Variants in NR4A1 observed in about 807,000 individuals in gnomAD.
The protein encoded by NR4A1 is nuclear receptor subfamily 4 group A member 1.
NR4A1 carries 24 observed loss-of-function variants against 47.5 expected under a neutral mutation model. That is an observed-to-expected ratio of 0.50 (90% CI 0.37 to 0.71). The LOEUF (loss-of-function observed/expected upper bound fraction) is 0.71, where lower values mean the gene tolerates loss of function less well. NR4A1 is among the 30% of genes least tolerant of loss of function. The pLI, the probability that NR4A1 is intolerant of heterozygous loss-of-function variation, is 0.00. For missense variants in NR4A1, 669 were observed against 788.6 expected, an observed-to-expected ratio of 0.85 and a Z score of 1.82; for synonymous variants, 353 against 345.7, an observed-to-expected ratio of 1.02 and a Z score of -0.24.
At chr12:52,056,795 C>T in intron 4 of NR4A1, 150 bp downstream of exon 4, 2 of 963,618 alleles carry the variant, frequency 2.1e-6, no homozygotes, top group South Asian at 3.6e-5. Context: ...TCCAGTTCGA[C>T]AGATCAAAGA....
intron 1 of NR4A1, among the ~76,000 whole-genome samples, chr12:52,027,300 G>A (rs953129251): frequency 6.6e-6 from 1 of 152,256 alleles, no homozygotes; most frequent in Admixed American, 6.5e-5. Flanking sequence ...CTGTGCTCCT[G>A]AAGTGACCTG....
chr12:52,043,516 G>A (rs1261800918), intron 2 of NR4A1: 1 of 341,280 alleles, frequency 2.9e-6, no homozygotes, highest in South Asian at 2.8e-5. Flanking sequence ...GTCTTGTGAC[G>A]TGGGCACCTG....
intron 2 of NR4A1, chr12:52,043,559 G>A (rs549815724): frequency 4.1e-5 from 21 of 515,094 alleles, no homozygotes; most frequent in Middle Eastern, 7.9e-4. Flanking sequence ...CCAGGGTCAC[G>A]CTCATGCTGG....
intron 1 of NR4A1, among the ~76,000 whole-genome samples, chr12:52,028,012 G>A (rs1268679136): frequency 6.6e-6 from 1 of 151,868 alleles, no homozygotes; most frequent in Non-Finnish European, 1.5e-5. Flanking sequence ...GACCAGCCTG[G>A]GCAACATGAT....
intron 2 of NR4A1, 192 bp from the exon 3 acceptor site, chr12:52,055,838 C>A (rs1939232071): frequency 6.2e-6 from 3 of 480,754 alleles, no homozygotes; most frequent in Non-Finnish European, 1.1e-5. Context: ...CCCCCAATGT[C>A]TTCAAGACTT....
intron 2 of NR4A1, 23 bp downstream of exon 2, chr12:52,055,227 G>T: frequency 6.2e-7 from 1 of 1,607,800 alleles, no homozygotes. Context: ...CCCAGGTGGG[G>T]CCTTTTGTTG....
At chr12:52,056,275 C>T (rs1939268543) in intron 3 of NR4A1, 116 bp downstream of exon 3, 5 of 1,445,732 alleles carry the variant, frequency 3.5e-6, no homozygotes, top group South Asian at 1.4e-5. Flanking sequence ...CTTATTTCCA[C>T]CCCACCTCTG....
At chr12:52,029,716 C>T (rs1263710028) in intron 1 of NR4A1, among the ~76,000 whole-genome samples, 1 of 107,954 alleles carries the variant, frequency 9.3e-6, no homozygotes, top group African/African-American at 3.6e-5. Flanking sequence ...ACACACAAGA[C>T]AGAACACCAG....
intron 1 of NR4A1, among the ~76,000 whole-genome samples, chr12:52,034,123 G>A (rs1053127453): frequency 3.9e-5 from 6 of 152,174 alleles, no homozygotes; most frequent in Non-Finnish European, 7.4e-5. Flanking sequence ...CTGCCCTGCC[G>A]CATACCTAAG....
chr12:52,055,333 C>T (rs772969727), intron 2 of NR4A1, 129 bp downstream of exon 2: 6 of 1,291,810 alleles, frequency 4.6e-6, no homozygotes, highest in Non-Finnish European at 5.3e-6. Context: ...TGGGATCAGC[C>T]CTGCCAGGTG....
chr12:52,042,515 A>C (rs1938478390), intron 2 of NR4A1, among the ~76,000 whole-genome samples: 1 of 152,146 alleles, frequency 6.6e-6, no homozygotes. Flanking sequence ...GTGTTCTAGC[A>C]CATCTCCTTC....
rs748185583 is a variant in NR4A1 at position 52,058,808 on chromosome 12, G to C, written c.1661G>C (p.Arg554Pro). 1 of 1,613,672 alleles carries C rather than the reference G, an allele frequency of 6.2e-7. No individual in the cohort carries two copies. Among genetic ancestry groups the C allele is most frequent in the Admixed American group, 1.7e-5 (1 of 60,022 alleles). Residue 554 changes from arginine (R) to proline (P), a missense_variant, in exon 7 of 7, where the codon CGT (arginine) becomes CCT (proline). Coordinates refer to ENST00000394825, the MANE Select transcript of NR4A1 (RefSeq NM_173157.3). The stretch of plus-strand genomic sequence containing the variant: ...CCCCAGCCAGCCAGCTGCCTGTCAC[G>C]TCTGTTGGGCAAACTGCCCGAGCTG... ...GEPQPASCLSRLLGKLPELRT... is the reference protein window; with the variant it reads ...GEPQPASCLSPLLGKLPELRT...
chr12:52,029,579 T>C (rs1938073942), intron 1 of NR4A1, among the ~76,000 whole-genome samples: 1 of 152,056 alleles, frequency 6.6e-6, no homozygotes, highest in Admixed American at 6.5e-5. Flanking sequence ...TCCCAGCTAC[T>C]TGGGAGGCAA....
chr12:52,033,490 AG>A (rs1452045100), intron 1 of NR4A1, among the ~76,000 whole-genome samples: 1 of 152,228 alleles, frequency 6.6e-6, no homozygotes, highest in Non-Finnish European at 1.5e-5. Flanking sequence ...GCCTGGATTT[AG>A]GGGAAATCTC....
chr12:52,058,603 G>A, intron 6 of NR4A1, 85 bp from the exon 7 acceptor site: 1 of 1,441,098 alleles, frequency 6.9e-7, no homozygotes, highest in Non-Finnish European at 9.2e-7. Context: ...GTGGTCAGGG[G>A]CAGCAGTTTT....
At chr12:52,037,193 G>T (rs1173971840) in intron 1 of NR4A1, 2 of 181,460 alleles carry the variant, frequency 1.1e-5, no homozygotes, top group Admixed American at 1.4e-4. Context: ...CGGGGGCGGG[G>T]GGCGCCGCGC....
intron 2 of NR4A1, chr12:52,043,592 T>C (rs1938518286): frequency 1.2e-6 from 1 of 807,662 alleles, no homozygotes; most frequent in Non-Finnish European, 1.7e-6. Flanking sequence ...CTGACTATTT[T>C]GGGCTCTTGC....
At chr12:52,051,278 G>A (rs1938919086), upstream of NR4A1, 1 of 333,308 alleles carries the variant, frequency 3.0e-6, no homozygotes, top group Admixed American at 6.5e-5. Flanking sequence ...CCGCCCCCTC[G>A]GGCTCCCCGG....
upstream of NR4A1, among the ~76,000 whole-genome samples, chr12:52,048,565 G>T (rs1224936315): frequency 2.0e-5 from 3 of 152,228 alleles, no homozygotes; most frequent in African/African-American, 7.2e-5. Context: ...CTGCACTCCA[G>T]CCTGGGTGAC....
Sources: allele counts gnomAD v4.1 joint callset (sites outside exome capture counted in the v4.1 genomes callset), GRCh38; gene constraint gnomAD v4.1.1; transcripts MANE v1.5; gene names NCBI Gene and HGNC (gene_info 2026-07-23, HGNC 2026-07-21).